The following PGAP1 variants were observed in gnomAD, a reference collection of about 807,000 sequenced individuals.
The protein encoded by PGAP1 is post-GPI attachment to proteins inositol deacylase 1, also known as GPI inositol-deacylase.
A neutral mutation model predicts 127.0 loss-of-function variants in PGAP1; 76 were observed. That is an observed-to-expected ratio of 0.60 (90% CI 0.50 to 0.72). The LOEUF (loss-of-function observed/expected upper bound fraction) is 0.72, where lower values mean the gene tolerates loss of function less well. PGAP1 is among the 30% of genes least tolerant of loss of function. PGAP1 has a pLI of 0.00. For missense variants in PGAP1, 982 were observed against 1,071.3 expected (o/e 0.92, Z 1.16); for synonymous variants, 362 against 366.5 (o/e 0.99, Z 0.14).
chr2:196,912,644 A>T (rs989159825), intron 4 of PGAP1, among the ~76,000 whole-genome samples: 7 of 151,606 alleles, frequency 4.6e-5, no homozygotes, highest in African/African-American at 1.7e-4. Flanking sequence ...ATTATAAAAC[A>T]CATGTCAACC....
intron 1 of PGAP1, among the ~76,000 whole-genome samples, chr2:196,923,425 T>G (rs1159048969): frequency 6.6e-6 from 1 of 152,104 alleles, no homozygotes; most frequent in East Asian, 1.9e-4. Context: ...CTGTACATAC[T>G]CTCTTATTGT....
At chr2:196,878,313 G>A (rs1162912081) in intron 13 of PGAP1, among the ~76,000 whole-genome samples, 3 of 152,022 alleles carry the variant, frequency 2.0e-5, no homozygotes, top group Non-Finnish European at 4.4e-5. Context: ...TACACACTTA[G>A]TCTTAAGGTA....
intron 3 of PGAP1, 95 bp downstream of exon 3, chr2:196,916,323 T>C (rs2125837254): frequency 1.7e-6 from 2 of 1,172,930 alleles, no homozygotes; most frequent in East Asian, 2.8e-5. Flanking sequence ...TCAACTTCCA[T>C]ATAAACAAAT....
chr2:196,892,891 C>G (rs976034306), intron 8 of PGAP1, among the ~76,000 whole-genome samples: 2 of 151,994 alleles, frequency 1.3e-5, no homozygotes, highest in Non-Finnish European at 2.9e-5. Context: ...TGAAATTTTT[C>G]TATTTGTCAT....
At chr2:196,892,606 T>C (rs993785438) in intron 8 of PGAP1, among the ~76,000 whole-genome samples, 2 of 152,068 alleles carry the variant, frequency 1.3e-5, no homozygotes, top group African/African-American at 4.8e-5. Flanking sequence ...AAAGTATAAA[T>C]CTGTTTGGTG....
chr2:196,906,535 G>A (rs1270734663), intron 4 of PGAP1, among the ~76,000 whole-genome samples: 2 of 33,954 alleles, frequency 5.9e-5, no homozygotes, highest in Non-Finnish European at 1.5e-4. Flanking sequence ...ACTCTAAAAC[G>A]CAGAGTGCCT....
chr2:196,870,250 T>C (rs1437449462), intron 19 of PGAP1, among the ~76,000 whole-genome samples: 2 of 152,136 alleles, frequency 1.3e-5, no homozygotes, highest in Non-Finnish European at 2.9e-5. Flanking sequence ...TATTGTACTA[T>C]GAATTTATAG....
intron 26 of PGAP1, 146 bp from the exon 27 acceptor site, chr2:196,841,518 A>G: frequency 1.5e-6 from 1 of 673,308 alleles, no homozygotes; most frequent in East Asian, 3.1e-5. Flanking sequence ...CCTATTCATA[A>G]TTTCTTTTTT....
intron 12 of PGAP1, among the ~76,000 whole-genome samples, chr2:196,884,128 C>T (rs1701820370): frequency 6.6e-6 from 1 of 152,102 alleles, no homozygotes; most frequent in Non-Finnish European, 1.5e-5. Flanking sequence ...AAGCAAAGTA[C>T]ATTTTATTGG....
chr2:196,878,718 A>G (rs970383671), intron 13 of PGAP1, among the ~76,000 whole-genome samples: 15 of 152,210 alleles, frequency 9.9e-5, no homozygotes, highest in African/African-American at 2.7e-4. Context: ...AACTTTCACA[A>G]TATGGCCATG....
At chr2:196,890,295 T>A (rs1702056955) in intron 10 of PGAP1, among the ~76,000 whole-genome samples, 3 of 152,138 alleles carry the variant, frequency 2.0e-5, no homozygotes, top group African/African-American at 7.2e-5. Flanking sequence ...TCACATTTTT[T>A]AATAGTGCCT....
chr2:196,921,949 A>G (rs79863163), intron 1 of PGAP1, among the ~76,000 whole-genome samples: 1,734 of 152,266 alleles, frequency 0.011, 25 homozygotes, highest in African/African-American at 0.037. Context: ...CAGAAAAAGC[A>G]TAGGCATACA....
intron 5 of PGAP1, among the ~76,000 whole-genome samples, chr2:196,899,338 T>C (rs1156581078): frequency 6.6e-6 from 1 of 152,206 alleles, no homozygotes; most frequent in Non-Finnish European, 1.5e-5. Context: ...CCCTGAACTC[T>C]ATAAATAATA....
chr2:196,897,233 C>T, intron 6 of PGAP1, 36 bp from the exon 7 acceptor site: 2 of 1,291,044 alleles, frequency 1.5e-6, no homozygotes, highest in Non-Finnish European at 2.2e-6. Context: ...ATAAAACTTT[C>T]TTAAAACATA....
At chr2:196,920,882 C>T in intron 1 of PGAP1, among the ~76,000 whole-genome samples, 1 of 152,132 alleles carries the variant, frequency 6.6e-6, no homozygotes, top group East Asian at 1.9e-4. Flanking sequence ...CACCTAACTA[C>T]TGAGTCAGTA....
rs755144261 is a variant in PGAP1 at position 196,875,834 on chromosome 2, A to T, written c.1351-13T>A. 6 of 1,273,764 alleles carry T rather than the reference A, an allele frequency of 4.7e-6. No homozygotes were observed. Among genetic ancestry groups the T allele is most frequent in the Admixed American group, 1.9e-5 (1 of 52,870 alleles). The allele number at this position is 1,273,764 out of a possible 1,614,324, so 78.9% of individuals were successfully genotyped here. ...AATCTACAACAAACTGAAATATAAA[A>T]CATTGATTTATTAGAAAAAGTAAGT... On this transcript the variant is annotated splice_polypyrimidine_tract_variant and intron_variant, in intron 13 of 26. Coordinates refer to ENST00000354764, the MANE Select transcript of PGAP1 (RefSeq NM_024989.4).
chr2:196,918,431 A>C (rs1379077360), intron 2 of PGAP1, among the ~76,000 whole-genome samples: 1 of 152,178 alleles, frequency 6.6e-6, no homozygotes. Context: ...GTAAACATTT[A>C]TTCTGTCCAA....
intron 7 of PGAP1, among the ~76,000 whole-genome samples, chr2:196,895,876 C>T (rs1301465977): frequency 1.3e-5 from 2 of 152,142 alleles, no homozygotes; most frequent in Admixed American, 6.5e-5. Context: ...AATATCCGGG[C>T]TGCAATGCTT....
In PGAP1 at chr2:196,865,095, A is replaced by C. The variant is rs375249562; in HGVS notation, c.1768-15T>G. ...AATCTAACTACCTAAAAAACAGGTAAGTCAATGGGCAACTCCTGAATATTC... is the reference window on the plus strand; with the variant it reads ...AATCTAACTACCTAAAAAACAGGTACGTCAATGGGCAACTCCTGAATATTC... On this transcript the variant is annotated splice_polypyrimidine_tract_variant and intron_variant, in intron 19 of 26. Coordinates refer to ENST00000354764, the MANE Select transcript of PGAP1 (RefSeq NM_024989.4). The C allele has an allele frequency of 2.5e-5, 35 of 1,414,808 alleles. No homozygotes were observed. Among genetic ancestry groups the C allele is most frequent in the Non-Finnish European group, 3.4e-5 (35 of 1,038,718 alleles). 87.6% of individuals were successfully genotyped at this position (1,414,808 alleles called of 1,614,324 possible).
Sources: allele counts gnomAD v4.1 joint callset (sites outside exome capture counted in the v4.1 genomes callset), GRCh38; gene constraint gnomAD v4.1.1; transcripts MANE v1.5; gene names NCBI Gene and HGNC (gene_info 2026-07-23, HGNC 2026-07-21).